AUTS2: variants seen among roughly 807,000 people sequenced by gnomAD.
AUTS2 encodes the protein activator of transcription and developmental regulator AUTS2, also known as autism susceptibility gene 2 protein.
Under a neutral mutation model 112.4 loss-of-function variants are expected in AUTS2, and 17 were observed. That is an observed-to-expected ratio of 0.15 (90% confidence interval 0.10 to 0.23). The LOEUF (loss-of-function observed/expected upper bound fraction) is 0.23. Among genes scored for constraint, AUTS2 ranks in the 10% least tolerant of loss-of-function variants. The pLI is 1.00. For missense variants in AUTS2, 1,510 were observed against 1,701.6 expected (o/e 0.89, Z 1.98); for synonymous variants, 751 against 702.7 (o/e 1.07, Z -1.09).
chr7:70,319,170 T>C (rs1243631548), intron 4 of AUTS2, among the ~76,000 whole-genome samples: 3 of 152,050 alleles, frequency 2.0e-5, no homozygotes, highest in Non-Finnish European at 4.4e-5. Flanking sequence ...GCAAAAAAAA[T>C]GATGCATCAA....
chr7:70,589,209 G>A lies in AUTS2; in HGVS notation c.691-109360G>A, dbSNP rs1022310041. ...CTGCGAGACATGAGTGGGGCAATCC[G>A]CTCCTTCCAACTGCAGGGAGAACGG... On this transcript the variant is annotated intron_variant, in intron 5 of 18. Coordinates refer to ENST00000342771, the MANE Select transcript of AUTS2 (RefSeq NM_015570.4). Among the ~76,000 whole-genome samples the A allele has an allele frequency of 2.6e-5, 4 of 152,290 alleles. No individual in the cohort carries two copies. The East Asian group carries it at 7.7e-4, about 29-fold the overall frequency.
chr7:69,642,329 C>A (rs1794833968), intron 1 of AUTS2, among the ~76,000 whole-genome samples: 1 of 151,968 alleles, frequency 6.6e-6, no homozygotes, highest in Non-Finnish European at 1.5e-5. Flanking sequence ...AATTTATATC[C>A]ATGAGTCAGG....
chr7:69,611,696 C>T (rs905256504), intron 1 of AUTS2, among the ~76,000 whole-genome samples: 5 of 150,310 alleles, frequency 3.3e-5, no homozygotes, highest in Admixed American at 1.3e-4. Flanking sequence ...TTTGGGAGGC[C>T]GAGGCGGGTG....
intron 4 of AUTS2, among the ~76,000 whole-genome samples, chr7:70,162,078 CAA>C (rs1470791993): frequency 6.6e-6 from 1 of 151,786 alleles, no homozygotes; most frequent in African/African-American, 2.4e-5. Context: ...AAATTGAGGA[CAA>C]TATTTTTAAG....
chr7:70,491,811 C>T (rs1472305532), intron 5 of AUTS2, among the ~76,000 whole-genome samples: 6 of 151,982 alleles, frequency 3.9e-5, no homozygotes, highest in Admixed American at 2.6e-4. Flanking sequence ...GATGCGGTTT[C>T]GCCATGTTGG....
At chr7:69,982,516 T>C (rs1798338522) in intron 2 of AUTS2, among the ~76,000 whole-genome samples, 1 of 151,998 alleles carries the variant, frequency 6.6e-6, no homozygotes, top group Admixed American at 6.5e-5. Flanking sequence ...AGTATGCATG[T>C]TATGTATGTG....
At chr7:70,504,280 G>A in intron 5 of AUTS2, among the ~76,000 whole-genome samples, 1 of 151,832 alleles carries the variant, frequency 6.6e-6, no homozygotes, top group Non-Finnish European at 1.5e-5. Context: ...GAGGTCTAAT[G>A]AAGAGGGTTT....
At chr7:70,136,688 A>C (rs976283101) in intron 4 of AUTS2, among the ~76,000 whole-genome samples, 3 of 152,096 alleles carry the variant, frequency 2.0e-5, no homozygotes, top group African/African-American at 7.2e-5. Flanking sequence ...GTCTATCCTT[A>C]CTCCTCTTCA....
chr7:70,026,042 A>G (rs11771768), intron 2 of AUTS2, among the ~76,000 whole-genome samples: 12,310 of 152,178 alleles, frequency 0.081, 633 homozygotes, highest in African/African-American at 0.13. Flanking sequence ...TTGCTTTGTT[A>G]TCTGCTGCCA....
At chr7:70,118,776 AAAAT>A in intron 3 of AUTS2, 1 of 152,374 alleles carries the variant, frequency 6.6e-6, no homozygotes, top group Non-Finnish European at 1.5e-5. Flanking sequence ...ACCCCATCTC[AAAAT>A]AAATAAATAA....
At chr7:70,507,813 A>G (rs1430093470) in intron 5 of AUTS2, among the ~76,000 whole-genome samples, 2 of 152,184 alleles carry the variant, frequency 1.3e-5, no homozygotes, top group Non-Finnish European at 2.9e-5. Flanking sequence ...ATAAAAATAA[A>G]GAAAAAGTAA....
intron 17 of AUTS2, 111 bp from the exon 18 acceptor site, chr7:70,787,098 T>C (rs1791548766): frequency 2.1e-6 from 2 of 936,350 alleles, no homozygotes; most frequent in South Asian, 1.4e-5. Flanking sequence ...CCCAATAATA[T>C]GTATTCATTT....
At chr7:69,820,379 A>C (rs1790937059) in intron 1 of AUTS2, among the ~76,000 whole-genome samples, 1 of 152,252 alleles carries the variant, frequency 6.6e-6, no homozygotes, top group African/African-American at 2.4e-5. Flanking sequence ...GAGCACCCTA[A>C]TTCTCTGGGG....
intron 1 of AUTS2, among the ~76,000 whole-genome samples, chr7:69,822,889 A>C (rs1791061302): frequency 6.6e-6 from 1 of 152,142 alleles, no homozygotes; most frequent in Admixed American, 6.5e-5. Flanking sequence ...ATAAACCTGG[A>C]GCTTTTGAAG....
intron 4 of AUTS2, among the ~76,000 whole-genome samples, chr7:70,281,736 C>A (rs1205938989): frequency 6.6e-6 from 1 of 152,158 alleles, no homozygotes; most frequent in Non-Finnish European, 1.5e-5. Context: ...TGTTTCAGAT[C>A]TACATATTGT....
intron 5 of AUTS2, among the ~76,000 whole-genome samples, chr7:70,651,565 C>G (rs1243049153): frequency 1.3e-5 from 2 of 152,160 alleles, no homozygotes; most frequent in African/African-American, 4.8e-5. Context: ...TAACATAAGC[C>G]TGTTTCATAA....
chr7:70,497,235 A>T (rs10232985), intron 5 of AUTS2, among the ~76,000 whole-genome samples: 1 of 88,486 alleles, frequency 1.1e-5, no homozygotes, highest in South Asian at 4.0e-4. Context: ...CACACACCCC[A>T]CTCACACACA....
intron 1 of AUTS2, among the ~76,000 whole-genome samples, chr7:69,869,136 C>T (rs779123486): frequency 1.8e-4 from 27 of 152,038 alleles, no homozygotes; most frequent in Non-Finnish European, 2.8e-4. Flanking sequence ...CACAGAGTTA[C>T]GCAAGCGAAA....
chr7:70,077,047 T>C (rs910192910), intron 2 of AUTS2, among the ~76,000 whole-genome samples: 2 of 152,114 alleles, frequency 1.3e-5, no homozygotes, highest in African/African-American at 4.8e-5. Flanking sequence ...AGACTTATTC[T>C]GGGGGGTCCT....
Sources: gnomAD v4.1 joint callset for allele counts (sites outside exome capture counted in the v4.1 genomes callset) on GRCh38, gnomAD v4.1.1 for gene constraint, MANE v1.5 for transcripts, NCBI Gene and HGNC (gene_info 2026-07-23, HGNC 2026-07-21) for gene names.